Variants in PSME3IP1 observed in about 807,000 individuals in gnomAD.
PSME3IP1 encodes proteasome activator subunit 3 interacting protein 1.
Under a neutral mutation model 34.1 loss-of-function variants are expected in PSME3IP1, and 13 were observed. The ratio of observed to expected loss-of-function variants is 0.38; its 90% CI spans 0.25 to 0.61. The LOEUF is 0.61. PSME3IP1 is among the 20% of genes least tolerant of loss of function. The pLI, the probability that PSME3IP1 is intolerant of heterozygous loss-of-function variation, is 0.60. For synonymous variants in PSME3IP1, 93 were observed against 114.3 expected (o/e 0.81, Z 1.19); for missense variants, 237 against 301.4 (o/e 0.79, Z 1.58).
At chr16:57,166,411 G>C (rs1253085042) in intron 5 of PSME3IP1, among the ~76,000 whole-genome samples, 1 of 152,198 alleles carries the variant, frequency 6.6e-6, no homozygotes, top group Admixed American at 6.5e-5. Flanking sequence ...AGCCAGGTCT[G>C]TAACCCTGCC....
chr16:57,174,166 C>T (rs1555491548), intron 1 of PSME3IP1: 1 of 249,350 alleles, frequency 4.0e-6, no homozygotes, highest in East Asian at 1.1e-4. Context: ...CGGTGGCACG[C>T]ACCTGTAATC....
At chr16:57,159,337 A>G (rs1345328704) in intron 6 of PSME3IP1, among the ~76,000 whole-genome samples, 1 of 152,242 alleles carries the variant, frequency 6.6e-6, no homozygotes, top group Non-Finnish European at 1.5e-5. Flanking sequence ...GATCTCACCC[A>G]TTTGGTGAAG....
chr16:57,183,396 G>C (rs1409179864), intron 1 of PSME3IP1, among the ~76,000 whole-genome samples: 1 of 152,078 alleles, frequency 6.6e-6, no homozygotes, highest in East Asian at 1.9e-4. Flanking sequence ...GCAGTGGCAT[G>C]ATCTCAGCTC....
intron 4 of PSME3IP1, among the ~76,000 whole-genome samples, chr16:57,169,793 A>G (rs2072344323): frequency 6.6e-6 from 1 of 152,200 alleles, no homozygotes; most frequent in Non-Finnish European, 1.5e-5. Flanking sequence ...TCCTTAGAGG[A>G]AAAAGCTTGG....
chr16:57,169,825 G>C (rs1447887978), intron 4 of PSME3IP1, among the ~76,000 whole-genome samples: 1 of 152,062 alleles, frequency 6.6e-6, no homozygotes, highest in Non-Finnish European at 1.5e-5. Context: ...ACACAATATG[G>C]GTATCTGCCT....
At chr16:57,165,357 A>G (rs537066413) in intron 5 of PSME3IP1, among the ~76,000 whole-genome samples, 11 of 152,212 alleles carry the variant, frequency 7.2e-5, no homozygotes. Context: ...ATATACAATG[A>G]AAGTTAAGGA....
At chr16:57,183,828 A>G (rs1427028465) in intron 1 of PSME3IP1, among the ~76,000 whole-genome samples, 1 of 152,196 alleles carries the variant, frequency 6.6e-6, no homozygotes, top group African/African-American at 2.4e-5. Flanking sequence ...CCATCCAGGG[A>G]GTGGAGTCTG....
intron 6 of PSME3IP1, 100 bp downstream of exon 6, chr16:57,163,901 A>G (rs2071555260): frequency 2.5e-6 from 3 of 1,216,920 alleles, no homozygotes; most frequent in African/African-American, 1.5e-5. Flanking sequence ...GCTTGCTTGA[A>G]GACAGAAATG....
intron 4 of PSME3IP1, 35 bp downstream of exon 4, chr16:57,172,214 GAC>G (rs757083426): frequency 6.2e-7 from 1 of 1,607,754 alleles, no homozygotes; most frequent in Admixed American, 1.7e-5. Context: ...TGAGAAAATG[GAC>G]ACCTTACAGG....
intron 1 of PSME3IP1, among the ~76,000 whole-genome samples, chr16:57,181,362 C>T (rs1276479755): frequency 6.6e-6 from 1 of 152,058 alleles, no homozygotes; most frequent in East Asian, 1.9e-4. Flanking sequence ...CGAAATAAAA[C>T]TTGCCTGAGG....
chr16:57,165,416 A>G (rs2071750380), intron 5 of PSME3IP1, among the ~76,000 whole-genome samples: 1 of 152,210 alleles, frequency 6.6e-6, no homozygotes, highest in Non-Finnish European at 1.5e-5. Context: ...CACATTCATG[A>G]ACTAGGTATC....
At chr16:57,174,653 A>G (rs2073004627) in intron 1 of PSME3IP1, 1 of 985,362 alleles carries the variant, frequency 1.0e-6, no homozygotes, top group African/African-American at 1.7e-5. Context: ...AAGATGGAGA[A>G]TCTCAGCTAT....
chr16:57,155,094 T>TA (rs2070361291), intron 6 of PSME3IP1, among the ~76,000 whole-genome samples: 2 of 152,250 alleles, frequency 1.3e-5, no homozygotes, highest in Non-Finnish European at 2.9e-5. Flanking sequence ...CTCACCAGAA[T>TA]AACGTTCTTT....
chr16:57,170,528 A>C (rs1246422345), intron 4 of PSME3IP1, among the ~76,000 whole-genome samples: 2 of 152,248 alleles, frequency 1.3e-5, no homozygotes, highest in African/African-American at 4.8e-5. Context: ...TAAGCTTGAA[A>C]TATCCAAATA....
intron 3 of PSME3IP1, 44 bp downstream of exon 3, chr16:57,172,732 G>C (rs754310197): frequency 2.0e-5 from 28 of 1,414,168 alleles, no homozygotes; most frequent in Non-Finnish European, 2.5e-5. Flanking sequence ...TGCGTCAAAA[G>C]TACCCCACAG....
At position 57,154,447 on chromosome 16, in the gene PSME3IP1, G is replaced by T; in HGVS notation, c.608C>A (p.Pro203His). The T allele has an allele frequency of 6.2e-7, 1 of 1,614,052 alleles. No individual in the cohort carries two copies. Among genetic ancestry groups the T allele is most frequent in the Non-Finnish European group, 8.5e-7 (1 of 1,179,968 alleles). ...GATGCCGATACATACTGCAGCAGAGGGGCAGTGGATGGAGGGGCCACTCAG... is the reference window on the plus strand; with the variant it reads ...GATGCCGATACATACTGCAGCAGAGTGGCAGTGGATGGAGGGGCCACTCAG... ...TSLSGPSIHC[P>H]SAAVCIGILP... The change falls in exon 7 of 7, where the codon CCC becomes CAC. Residue 203 changes from proline to histidine, a missense_variant. Pro to His is a moderately conservative substitution (Grantham distance 77). Coordinates refer to ENST00000309137, the MANE Select transcript of PSME3IP1 (RefSeq NM_024946.4). This position sits in a 1 kb window ranked among gnomAD's most constrained non-coding sequence, Gnocchi z 4.0.
chr16:57,164,947 C>T (rs2071678032), intron 5 of PSME3IP1, among the ~76,000 whole-genome samples: 5 of 151,548 alleles, frequency 3.3e-5, no homozygotes, highest in Admixed American at 3.3e-4. Flanking sequence ...ATGAGAATCG[C>T]TTGAACCCGG....
intron 4 of PSME3IP1, among the ~76,000 whole-genome samples, chr16:57,168,779 G>A (rs1257018621): frequency 1.5e-5 from 2 of 134,868 alleles, no homozygotes; most frequent in African/African-American, 5.5e-5. Context: ...CTCCAGCCTG[G>A]GTAACAAGAG....
chr16:57,166,700 G>C (rs1193924233), intron 5 of PSME3IP1, among the ~76,000 whole-genome samples: 1 of 152,144 alleles, frequency 6.6e-6, no homozygotes, highest in African/African-American at 2.4e-5. Context: ...ATGAACTCTA[G>C]CTCTCTGTTT....
Sources: gnomAD v4.1 joint callset for allele counts (sites outside exome capture counted in the v4.1 genomes callset) on GRCh38, gnomAD v4.1.1 for gene constraint, Gnocchi (gnomAD v3.1) non-coding constraint, MANE v1.5 for transcripts, NCBI Gene and HGNC (gene_info 2026-07-23, HGNC 2026-07-21) for gene names.